The following DLC1 variants were observed in gnomAD, a reference collection of about 807,000 sequenced individuals.
DLC1 encodes DLC1 Rho GTPase activating protein.
DLC1 carries 54 observed loss-of-function variants against 140.3 expected under a neutral mutation model. The ratio of observed to expected loss-of-function variants is 0.38; its 90% CI spans 0.31 to 0.48. DLC1 has a LOEUF of 0.48. Ranked by LOEUF, DLC1 falls within the 20% of genes least tolerant of loss-of-function variation. The pLI, the probability that DLC1 is intolerant of heterozygous loss-of-function variation, is 0.96. For synonymous variants in DLC1, 986 were observed against 728.1 expected (o/e 1.35, Z -5.70); for missense variants, 2,536 against 1,907.0 (o/e 1.33, Z -6.14).
intron 9 of DLC1, among the ~76,000 whole-genome samples, chr8:13,098,780 T>C (rs2128935778): frequency 6.6e-6 from 1 of 152,318 alleles, no homozygotes; most frequent in Admixed American, 6.5e-5. Context: ...CACATCTGAC[T>C]CATTTTTTAA....
intron 2 of DLC1, among the ~76,000 whole-genome samples, chr8:13,454,898 G>A (rs925193810): frequency 6.6e-6 from 1 of 152,076 alleles, no homozygotes; most frequent in Non-Finnish European, 1.5e-5. Flanking sequence ...GGGACCATTT[G>A]TTGTGGGGTA....
At chr8:13,154,844 C>T (rs1824126493) in intron 5 of DLC1, among the ~76,000 whole-genome samples, 1 of 152,156 alleles carries the variant, frequency 6.6e-6, no homozygotes, top group Admixed American at 6.5e-5. Flanking sequence ...CAATTTTTCA[C>T]TTAGAAATAA....
chr8:13,558,534 C>G (rs1305553052), intron 1 of DLC1: 1 of 152,022 alleles, frequency 6.6e-6, no homozygotes, highest in Admixed American at 6.6e-5. Context: ...TAACCGAAGC[C>G]TATATTTCAT....
At chr8:13,333,215 A>G (rs138662335) in intron 4 of DLC1, among the ~76,000 whole-genome samples, 2 of 152,206 alleles carry the variant, frequency 1.3e-5, no homozygotes, top group African/African-American at 4.8e-5. Flanking sequence ...CAGAATAAAA[A>G]TTGTCATCCT....
Position 13,487,736 on chromosome 8 carries a change from C to G in DLC1, c.1023+11313G>C, listed in dbSNP as rs371244393. Among the ~76,000 whole-genome samples, 307 of 152,126 alleles carry G rather than the reference C, an allele frequency of 2.0e-3. 1 individual carries two copies. Among genetic ancestry groups the G allele is most frequent in the African/African-American group, 7.1e-3 (295 of 41,500 alleles). On this transcript the variant is annotated intron_variant, in intron 2 of 17. Transcript: ENST00000276297. ...GACAGGTGCCCACCACCATGTCCGG[C>G]TAATTTTTGTATTTTTAGTAGAGAC...
chr8:13,085,916 T>C lies in DLC1; in HGVS notation c.4482A>G (p.Glu1494=). 1 of 1,614,156 alleles carries C rather than the reference T, an allele frequency of 6.2e-7. No homozygotes were observed. The highest frequency in any genetic ancestry group is 8.5e-7 in the Non-Finnish European group (1 of 1,180,026). The part of the protein sequence containing the change: ...CRVDLRGHMP[E]WYTKSFGHLC... ...AATGTCCAAAAGATTTTGTGTACCA[T>C]TCTGGCATGTGGCCCCTATCAGAGA... Residue 1494 remains glutamate, a synonymous_variant, in exon 18 of 18, where the codon GAA becomes GAG. Coordinates refer to ENST00000276297, the MANE Select transcript of DLC1 (RefSeq NM_182643.3).
intron 5 of DLC1, among the ~76,000 whole-genome samples, chr8:13,193,687 G>A (rs764558864): frequency 1.3e-5 from 2 of 152,180 alleles, no homozygotes; most frequent in Non-Finnish European, 2.9e-5. Context: ...ACCAAAGGAA[G>A]TGAGTACATT....
At chr8:13,413,680 A>T (rs1293534082) in intron 2 of DLC1, among the ~76,000 whole-genome samples, 1 of 151,914 alleles carries the variant, frequency 6.6e-6, no homozygotes, top group Non-Finnish European at 1.5e-5. Flanking sequence ...TTGACTTCTC[A>T]CACGATCTGA....
At chr8:13,343,801 G>A (rs1013601255) in intron 4 of DLC1, among the ~76,000 whole-genome samples, 1 of 152,156 alleles carries the variant, frequency 6.6e-6, no homozygotes, top group African/African-American at 2.4e-5. Context: ...TGATGGAAAT[G>A]TGATCCTGAT....
chr8:13,310,303 T>G (rs1268792082), intron 4 of DLC1, among the ~76,000 whole-genome samples: 1 of 152,228 alleles, frequency 6.6e-6, no homozygotes, highest in East Asian at 1.9e-4. Context: ...GAAATTTTCT[T>G]TATTTGCCTT....
rs371098007 is a variant in DLC1 at position 13,100,511 on chromosome 8, G to T, written c.1826C>A (p.Pro609His). ...CCGGGGGGTGGCAGCATCCTCGCTG[G>T]GGGGCGCGTGGCTGGGGAGGCTGCC... ...STGSLPSHAP[P>H]SEDAATPRTN... The change falls in exon 9 of 18, where the codon CCC becomes CAC. Residue 609 changes from proline (P) to histidine (H), a missense_variant. Physicochemically the swap from Pro to His is moderately conservative, Grantham distance 77. Coordinates refer to ENST00000276297, the MANE Select transcript of DLC1 (RefSeq NM_182643.3). 36 of 1,612,428 alleles carry T rather than the reference G, an allele frequency of 2.2e-5. No individual in the cohort carries two copies. The highest frequency in any genetic ancestry group is 2.3e-5 in the Non-Finnish European group (27 of 1,179,878).
chr8:13,194,603 A>G (rs1015307531), intron 5 of DLC1, among the ~76,000 whole-genome samples: 3 of 152,234 alleles, frequency 2.0e-5, no homozygotes, highest in Non-Finnish European at 4.4e-5. Flanking sequence ...CATTACTGGC[A>G]AAAGCACAAG....
At chr8:13,107,432 G>C (rs1339026404) in intron 7 of DLC1, among the ~76,000 whole-genome samples, 2 of 152,150 alleles carry the variant, frequency 1.3e-5, no homozygotes, top group Non-Finnish European at 2.9e-5. Flanking sequence ...GGAGGAGGTA[G>C]GTGGGAAAGA....
At chr8:13,565,194 T>C (rs1421450925) in intron 1 of DLC1, among the ~76,000 whole-genome samples, 1 of 152,184 alleles carries the variant, frequency 6.6e-6, no homozygotes, top group Non-Finnish European at 1.5e-5. Flanking sequence ...CACCCACATA[T>C]ATCTCCTTCT....
At chr8:13,274,184 A>T (rs1438380611) in intron 5 of DLC1, among the ~76,000 whole-genome samples, 3 of 152,168 alleles carry the variant, frequency 2.0e-5, no homozygotes, top group African/African-American at 7.2e-5. Context: ...GCAGAGGAGA[A>T]GCTTGAGGGA....
chr8:13,537,053 A>G (rs544243233), intron 1 of DLC1, among the ~76,000 whole-genome samples: 34 of 152,210 alleles, frequency 2.2e-4, no homozygotes, highest in Non-Finnish European at 3.2e-4. Flanking sequence ...GATGAAATTA[A>G]TAAGGTTGTA....
At chr8:13,260,546 C>T (rs894049010) in intron 5 of DLC1, among the ~76,000 whole-genome samples, 2 of 151,870 alleles carry the variant, frequency 1.3e-5, no homozygotes, top group South Asian at 4.2e-4. Flanking sequence ...TGCATGATAC[C>T]CATCTACTGG....
chr8:13,387,892 C>A (rs1157148360), intron 4 of DLC1, among the ~76,000 whole-genome samples: 1 of 152,008 alleles, frequency 6.6e-6, no homozygotes, highest in East Asian at 1.9e-4. Flanking sequence ...CACTGAATGA[C>A]TGAACCGTGA....
chr8:13,285,996 G>A (rs1362121464), intron 5 of DLC1, among the ~76,000 whole-genome samples: 3 of 151,806 alleles, frequency 2.0e-5, no homozygotes, highest in Non-Finnish European at 2.9e-5. Context: ...GATAAACCGG[G>A]GAAATATTTG....
Sources: allele counts gnomAD v4.1 joint callset (sites outside exome capture counted in the v4.1 genomes callset), GRCh38; gene constraint gnomAD v4.1.1; transcripts MANE v1.5; gene names NCBI Gene and HGNC (gene_info 2026-07-23, HGNC 2026-07-21).